The following MAP7 variants were observed in gnomAD, a reference collection of about 807,000 sequenced individuals.
The protein encoded by MAP7 is microtubule associated protein 7.
In MAP7, 52 loss-of-function variants were observed where a neutral mutation model predicts 94.8. The observed-to-expected ratio is 0.55, with a 90% CI of 0.44 to 0.69. The LOEUF is 0.69. MAP7 is among the 30% of genes least tolerant of loss of function. MAP7 has a pLI of 0.00. For synonymous variants in MAP7, 350 were observed against 357.0 expected (o/e 0.98, Z 0.22); for missense variants, 940 against 964.6 (o/e 0.97, Z 0.34).
chr6:136,444,885 C>T (rs992031625), intron 1 of MAP7, among the ~76,000 whole-genome samples: 1 of 152,150 alleles, frequency 6.6e-6, no homozygotes, highest in Non-Finnish European at 1.5e-5. Context: ...GCCTTTCATG[C>T]CTAAAACTTC....
intron 1 of MAP7, among the ~76,000 whole-genome samples, chr6:136,478,268 A>G (rs1223495752): frequency 6.6e-6 from 1 of 152,128 alleles, no homozygotes; most frequent in East Asian, 1.9e-4. Flanking sequence ...GATTAATAGA[A>G]GAAAAGAAAT....
chr6:136,449,959 C>G (rs1048317084), intron 1 of MAP7, among the ~76,000 whole-genome samples: 2 of 152,200 alleles, frequency 1.3e-5, no homozygotes, highest in African/African-American at 2.4e-5. Context: ...GAGGCCAAAG[C>G]AAGCAGATCA....
At chr6:136,398,036 T>G (rs980967656) in intron 3 of MAP7, among the ~76,000 whole-genome samples, 3 of 152,242 alleles carry the variant, frequency 2.0e-5, no homozygotes, top group Non-Finnish European at 2.9e-5. Context: ...CCTGACCTGC[T>G]GACACCAAGA....
intron 1 of MAP7, among the ~76,000 whole-genome samples, chr6:136,507,864 T>C (rs1459829337): frequency 6.6e-6 from 1 of 152,212 alleles, no homozygotes; most frequent in Non-Finnish European, 1.5e-5. Context: ...GGCTCTGGAC[T>C]GGCTCCAGGG....
chr6:136,526,277 G>GCGCA (rs139706743), intron 1 of MAP7: 568 of 936,362 alleles, frequency 6.1e-4, no homozygotes, highest in African/African-American at 2.0e-3. Context: ...ACACGCGCGC[G>GCGCA]CACACACACA....
chr6:136,347,704 T>C (rs1249123764), intron 16 of MAP7, among the ~76,000 whole-genome samples: 1 of 152,090 alleles, frequency 6.6e-6, no homozygotes, highest in Non-Finnish European at 1.5e-5. Context: ...CCACGCCCAG[T>C]CAAAATAGTT....
intron 1 of MAP7, among the ~76,000 whole-genome samples, chr6:136,505,643 C>G (rs1821298972): frequency 6.6e-6 from 1 of 151,822 alleles, no homozygotes; most frequent in Non-Finnish European, 1.5e-5. Flanking sequence ...CTGGGGCCTA[C>G]CGGAGGACAA....
intron 8 of MAP7, among the ~76,000 whole-genome samples, chr6:136,370,760 G>A (rs1774218685): frequency 1.3e-5 from 2 of 152,042 alleles, no homozygotes; most frequent in Admixed American, 1.3e-4. Flanking sequence ...CTGGGGGGAG[G>A]GGGAAATGGG....
At chr6:136,541,114 G>A (rs1485458768) in intron 1 of MAP7, among the ~76,000 whole-genome samples, 8 of 152,154 alleles carry the variant, frequency 5.3e-5, no homozygotes, top group East Asian at 3.9e-4. Context: ...TGTCTGGTGC[G>A]CCTGCCACCC....
At chr6:136,488,177 T>C (rs1348395868) in intron 1 of MAP7, among the ~76,000 whole-genome samples, 2 of 152,220 alleles carry the variant, frequency 1.3e-5, no homozygotes, top group Non-Finnish European at 2.9e-5. Context: ...ATATGCTAAG[T>C]GTTAACTTCT....
chr6:136,521,735 T>C (rs1826466142), intron 1 of MAP7, among the ~76,000 whole-genome samples: 1 of 152,226 alleles, frequency 6.6e-6, no homozygotes, highest in African/African-American at 2.4e-5. Flanking sequence ...CCCATTATTC[T>C]GTGCTCCCGC....
intron 1 of MAP7, among the ~76,000 whole-genome samples, chr6:136,439,219 A>G (rs1193105771): frequency 6.6e-6 from 1 of 152,176 alleles, no homozygotes; most frequent in Non-Finnish European, 1.5e-5. Flanking sequence ...TGATTAAGTC[A>G]TGAGGCTGGG....
At chr6:136,506,519 A>C (rs1365638757) in intron 1 of MAP7, among the ~76,000 whole-genome samples, 1 of 151,770 alleles carries the variant, frequency 6.6e-6, no homozygotes, top group African/African-American at 2.4e-5. Context: ...TTCTGGAAAC[A>C]ATAAAAGATT....
At chr6:136,523,311 C>G (rs1056095491) in intron 1 of MAP7, among the ~76,000 whole-genome samples, 3 of 152,196 alleles carry the variant, frequency 2.0e-5, no homozygotes, top group African/African-American at 7.2e-5. Context: ...ACGAACGAAC[C>G]AGAGAAGACA....
intron 3 of MAP7, 123 bp downstream of exon 3, chr6:136,411,497 T>G (rs1345246494): frequency 1.3e-6 from 1 of 775,964 alleles, no homozygotes; most frequent in Admixed American, 2.9e-5. Flanking sequence ...GTTTATATTT[T>G]ATCATCACAT....
chr6:136,356,756 T>C lies in MAP7; in HGVS notation c.1951A>G (p.Asn651Asp). Residue 651 changes from asparagine (N) to aspartate (D), a missense_variant, in exon 16 of 18, where the codon AAT (asparagine) becomes GAT (aspartate). Asn to Asp is a conservative substitution (Grantham distance 23). Coordinates refer to ENST00000354570, the MANE Select transcript of MAP7 (RefSeq NM_003980.6). ...TGTGGGCTGCCAACTGGCTTTCCAT[T>C]TCCCGGAGCGTTTGTTGTACATGGA... The part of the protein sequence containing the change: ...ALPCTTNAPG[N>D]GKPVGSPHVV... 6.2e-7 allele frequency: 1 copy of C among 1,614,206 alleles called. No homozygotes were observed. Among genetic ancestry groups the C allele is most frequent in the East Asian group, 2.2e-5 (1 of 44,876 alleles).
chr6:136,548,495 T>TA (rs1313156999), intron 1 of MAP7, among the ~76,000 whole-genome samples: 2 of 152,190 alleles, frequency 1.3e-5, no homozygotes, highest in Admixed American at 1.3e-4. Flanking sequence ...AGACCATATA[T>TA]AAAAAATGTC....
At position 136,450,128 on chromosome 6, in the gene MAP7, G is replaced by A. The variant is rs531411358; in HGVS notation, c.68-28329C>T. Among the ~76,000 whole-genome samples, 14 of 152,322 alleles carry A rather than the reference G, an allele frequency of 9.2e-5. No homozygotes were observed. The South Asian group carries it at 2.3e-3, about 25-fold the overall frequency. On this transcript the variant is annotated intron_variant, in intron 1 of 17. Transcript: ENST00000354570. ...GAACCCGGGAGGCAGAGGCTGCAGT[G>A]GGCCAAGACTGTGCCACTGCACGCC...
At chr6:136,371,216 A>G (rs1774397038) in intron 8 of MAP7, among the ~76,000 whole-genome samples, 1 of 152,208 alleles carries the variant, frequency 6.6e-6, no homozygotes, top group Admixed American at 6.5e-5. Flanking sequence ...GTGGCCCTCA[A>G]CCTTCTCTCA....
Sources: gnomAD v4.1 joint callset for allele counts (sites outside exome capture counted in the v4.1 genomes callset) on GRCh38, gnomAD v4.1.1 for gene constraint, MANE v1.5 for transcripts, NCBI Gene and HGNC (gene_info 2026-07-23, HGNC 2026-07-21) for gene names.